PCDH11X: variants seen among roughly 807,000 people sequenced by gnomAD.
PCDH11X encodes protocadherin 11 X-linked.
Under a neutral mutation model 53.3 loss-of-function variants are expected in PCDH11X, and 18 were observed. The observed-to-expected ratio is 0.34, with a 90% CI of 0.23 to 0.50. PCDH11X has a LOEUF of 0.50. Among genes scored for constraint, PCDH11X ranks in the 20% least tolerant of loss-of-function variants. The pLI is 0.98. For missense variants in PCDH11X, 570 were observed against 1,032.4 expected (o/e 0.55, Z 6.14); for synonymous variants, 279 against 393.3 (o/e 0.71, Z 3.44).
chrX:92,281,860 C>T lies in PCDH11X; in HGVS notation c.3144+18717C>T, dbSNP rs191239374. On this transcript the variant is annotated intron_variant, in intron 8 of 10. Transcript: ENST00000682573. ...TTATGGTATATGAAAAAAATTCTTTCATTCAACAAACTTTTATGGAAGGCC... is the reference window on the plus strand; with the variant it reads ...TTATGGTATATGAAAAAAATTCTTTTATTCAACAAACTTTTATGGAAGGCC... Among the ~76,000 whole-genome samples, 81 of 111,755 alleles carry T rather than the reference C, an allele frequency of 7.2e-4. 1 individual carries two copies. In the East Asian group the frequency reaches 0.022, roughly 30 times the overall value.
intron 6 of PCDH11X, among the ~76,000 whole-genome samples, chrX:91,909,746 A>G (rs1244986607): frequency 9.1e-6 from 1 of 109,918 alleles, no homozygotes; most frequent in South Asian, 3.9e-4. Flanking sequence ...TAAACGTGGC[A>G]TATTAAATTA....
At chrX:92,184,180 A>G (rs949633388) in intron 6 of PCDH11X, among the ~76,000 whole-genome samples, 1 of 111,673 alleles carries the variant, frequency 9.0e-6, no homozygotes, top group African/African-American at 3.3e-5. Context: ...GCAATTCACT[A>G]GTGACCAAAT....
At chrX:92,444,584 A>G in intron 9 of PCDH11X, among the ~76,000 whole-genome samples, 2 of 108,670 alleles carry the variant, frequency 1.8e-5, no homozygotes, top group Middle Eastern at 9.5e-3. Flanking sequence ...GTTGTATAAC[A>G]GTGGTGATAG....
At chrX:91,949,530 G>A (rs1285478797) in intron 6 of PCDH11X, among the ~76,000 whole-genome samples, 1 of 110,340 alleles carries the variant, frequency 9.1e-6, no homozygotes, top group Non-Finnish European at 1.9e-5. Context: ...GTAGTTTGAT[G>A]GAGTGGAAAA....
intron 6 of PCDH11X, among the ~76,000 whole-genome samples, chrX:91,902,147 A>G (rs929958835): frequency 4.5e-5 from 5 of 111,503 alleles, no homozygotes; most frequent in Non-Finnish European, 5.7e-5. Flanking sequence ...AAATTTTTAT[A>G]TTTATTTTTG....
At chrX:92,207,777 A>C (rs1281887359) in intron 7 of PCDH11X, among the ~76,000 whole-genome samples, 1 of 111,904 alleles carries the variant, frequency 8.9e-6, no homozygotes, top group Non-Finnish European at 1.9e-5. Context: ...TCTCCTACAA[A>C]AAACATAACT....
chrX:92,398,345 G>T (rs2071294136), intron 9 of PCDH11X, among the ~76,000 whole-genome samples: 1 of 111,414 alleles, frequency 9.0e-6, no homozygotes, highest in Non-Finnish European at 1.9e-5. Context: ...TCAGGGCAGA[G>T]AATTGGAATT....
At chrX:91,871,774 A>C (rs1939325505) in intron 5 of PCDH11X, among the ~76,000 whole-genome samples, 1 of 111,467 alleles carries the variant, frequency 9.0e-6, no homozygotes, top group African/African-American at 3.2e-5. Context: ...GATTTTACAA[A>C]TCTCCACAAA....
At chrX:92,390,712 T>C (rs1339728103) in intron 9 of PCDH11X, among the ~76,000 whole-genome samples, 7 of 97,477 alleles carry the variant, frequency 7.2e-5, no homozygotes, top group African/African-American at 2.2e-4. Flanking sequence ...TCTGCTTTCT[T>C]TCTTGCTAGT....
At chrX:92,287,724 T>C (rs1310452150) in intron 8 of PCDH11X, among the ~76,000 whole-genome samples, 1 of 112,058 alleles carries the variant, frequency 8.9e-6, no homozygotes, top group Non-Finnish European at 1.9e-5. Flanking sequence ...AATAAATTGA[T>C]AGCTAGCTAA....
intron 6 of PCDH11X, among the ~76,000 whole-genome samples, chrX:92,200,114 A>AT (rs536606953): frequency 4.9e-4 from 54 of 110,479 alleles, no homozygotes; most frequent in African/African-American, 1.5e-3. Context: ...TTTTAAATTA[A>AT]TTTTTTTTTC....
intron 6 of PCDH11X, among the ~76,000 whole-genome samples, chrX:91,997,938 C>CT (rs1204496532): frequency 3.7e-4 from 38 of 102,705 alleles, no homozygotes; most frequent in Middle Eastern, 5.0e-3. Context: ...TTTCTCGTTT[C>CT]TTTTTTTTTT....
intron 6 of PCDH11X, among the ~76,000 whole-genome samples, chrX:92,029,408 C>G (rs1385129815): frequency 2.7e-5 from 3 of 111,942 alleles, no homozygotes; most frequent in Non-Finnish European, 5.6e-5. Flanking sequence ...CTTGGGCATT[C>G]AAGTGAGGCT....
chrX:92,050,012 T>C (rs935068913), intron 6 of PCDH11X, among the ~76,000 whole-genome samples: 4 of 112,273 alleles, frequency 3.6e-5, no homozygotes, highest in African/African-American at 1.3e-4. Context: ...TGACCTCAGG[T>C]GATCTGCCCG....
At chrX:92,441,889 C>G (rs1218462187) in intron 9 of PCDH11X, among the ~76,000 whole-genome samples, 1 of 110,067 alleles carries the variant, frequency 9.1e-6, no homozygotes, top group Non-Finnish European at 1.9e-5. Context: ...AACACCAGCC[C>G]ACGAAAGCAG....
Position 91,927,602 on chromosome X carries a change from C to T in PCDH11X, c.3033+48329C>T, listed in dbSNP as rs1162511086. ...GTAAGTGATAGAGATTTTAGACTCACGAAGCTAGAAGAGCTTTCATGTCCA... is the reference window on the plus strand; with the variant it reads ...GTAAGTGATAGAGATTTTAGACTCATGAAGCTAGAAGAGCTTTCATGTCCA... On this transcript the variant is annotated intron_variant, in intron 6 of 10. Transcript: ENST00000682573. 9.0e-5 allele frequency among the ~76,000 whole-genome samples: 10 copies of T among 111,612 alleles called. No homozygotes were observed. The Admixed American group carries it at 9.5e-4, about 11-fold the overall frequency.
chrX:91,788,864 G>C (rs1174461093), intron 1 of PCDH11X, among the ~76,000 whole-genome samples: 1 of 111,830 alleles, frequency 8.9e-6, no homozygotes, highest in African/African-American at 3.2e-5. Context: ...AACTGCCTTG[G>C]ATAGCTTCTC....
chrX:92,318,729 A>T (rs756710548), intron 8 of PCDH11X, among the ~76,000 whole-genome samples: 10 of 111,327 alleles, frequency 9.0e-5, no homozygotes, highest in Admixed American at 2.9e-4. Context: ...CTTTCTAATC[A>T]TAGGAAAATT....
intron 10 of PCDH11X, among the ~76,000 whole-genome samples, chrX:92,571,017 C>T (rs1481692418): frequency 8.9e-6 from 1 of 111,861 alleles, no homozygotes; most frequent in African/African-American, 3.2e-5. Flanking sequence ...TAAAGAATAT[C>T]TTTGACGAGT....
Sources: allele counts gnomAD v4.1 joint callset (sites outside exome capture counted in the v4.1 genomes callset), GRCh38; gene constraint gnomAD v4.1.1; transcripts MANE v1.5; gene names NCBI Gene and HGNC (gene_info 2026-07-23, HGNC 2026-07-21).